UGGT2: variants seen among roughly 807,000 people sequenced by gnomAD.
UGGT2 encodes the protein UDP-glucose glycoprotein glucosyltransferase 2, also known as UDP-glucose:glycoprotein glucosyltransferase 2.
In UGGT2, 180 loss-of-function variants were observed where a neutral mutation model predicts 192.1. The observed-to-expected ratio is 0.94, with a 90% CI of 0.83 to 1.06. The LOEUF is 1.06. UGGT2 is among the 50% of genes least tolerant of loss of function. UGGT2 has a pLI of 0.00. For missense variants in UGGT2, 1,849 were observed against 1,795.7 expected, an observed-to-expected ratio of 1.03 and a Z score of -0.54; for synonymous variants, 580 against 591.0, an observed-to-expected ratio of 0.98 and a Z score of 0.27.
intron 36 of UGGT2, among the ~76,000 whole-genome samples, chr13:95,849,739 T>C (rs74675490): frequency 0.021 from 3,238 of 151,790 alleles, 75 homozygotes; most frequent in East Asian, 0.1. Context: ...CATAGGTAAA[T>C]TGAATGTCAT....
chr13:95,829,420 C>G (rs1052221138), intron 38 of UGGT2, among the ~76,000 whole-genome samples: 3 of 152,084 alleles, frequency 2.0e-5, no homozygotes, highest in African/African-American at 7.2e-5. Context: ...TTTAGAAAAC[C>G]CCATCGTCTC....
chr13:95,923,047 A>C (rs1297834411), intron 20 of UGGT2, among the ~76,000 whole-genome samples: 1 of 152,010 alleles, frequency 6.6e-6, no homozygotes, highest in African/African-American at 2.4e-5. Context: ...TATATTCAGT[A>C]CGTTCTTTTC....
intron 36 of UGGT2, among the ~76,000 whole-genome samples, chr13:95,841,904 G>T (rs910638168): frequency 2.6e-5 from 4 of 152,192 alleles, no homozygotes; most frequent in African/African-American, 7.2e-5. Context: ...CTTTACAAGT[G>T]AATTTCCTGT....
rs200610064 is a variant in UGGT2, at chr13:95,884,673, G to A, written c.3046C>T (p.Arg1016Cys). 9.4e-6 allele frequency: 15 copies of A among 1,600,604 alleles called. No homozygotes were observed. Among genetic ancestry groups the A allele is most frequent in the African/African-American group, 4.0e-5 (3 of 74,270 alleles). ...LSEAPLESFYRFVLEPELMSG... is the reference protein window; with the variant it reads ...LSEAPLESFYCFVLEPELMSG... ...ATCAGTTCTGGTTCCAGAACAAAAC[G>A]GTAAAAGCTGTTAATAAAACATAAA... is the stretch of plus-strand genomic sequence containing the variant. The change falls in exon 27 of 39, where the codon CGT (arginine) becomes TGT (cysteine). Residue 1016 changes from arginine (R) to cysteine (C), a missense_variant. Arg to Cys is a radical substitution (Grantham distance 180). Transcript: ENST00000376747.
chr13:95,968,036 A>C (rs1025653250), intron 12 of UGGT2, among the ~76,000 whole-genome samples: 3 of 152,092 alleles, frequency 2.0e-5, no homozygotes, highest in African/African-American at 7.2e-5. Context: ...TTGTCACACA[A>C]CACTTTTATT....
intron 27 of UGGT2, among the ~76,000 whole-genome samples, chr13:95,879,107 C>A (rs2047421437): frequency 6.6e-6 from 1 of 152,092 alleles, no homozygotes. Flanking sequence ...TAGTTCAACA[C>A]CCTCACTTTA....
At chr13:95,878,007 TTG>T in intron 27 of UGGT2, 151 bp from the exon 28 acceptor site, 1 of 782,592 alleles carries the variant, frequency 1.3e-6, no homozygotes, top group Non-Finnish European at 1.9e-6. Flanking sequence ...AATTCATGAG[TTG>T]AACTGATTTC....
chr13:96,020,157 T>C (rs1253926997), intron 4 of UGGT2, among the ~76,000 whole-genome samples: 1 of 152,202 alleles, frequency 6.6e-6, no homozygotes, highest in African/African-American at 2.4e-5. Flanking sequence ...CCCTTTTACC[T>C]TGCGAGACAC....
intron 8 of UGGT2, among the ~76,000 whole-genome samples, chr13:95,987,596 T>C (rs998686830): frequency 6.6e-6 from 1 of 152,152 alleles, no homozygotes; most frequent in Non-Finnish European, 1.5e-5. Flanking sequence ...AAAGAGACTA[T>C]CTGAAATTAT....
chr13:96,029,432 C>T (rs549103266), intron 2 of UGGT2, among the ~76,000 whole-genome samples: 5 of 151,758 alleles, frequency 3.3e-5, no homozygotes, highest in East Asian at 3.9e-4. Context: ...ATTACAGGCC[C>T]GCACCACCAC....
chr13:95,882,187 C>T (rs1226909342), intron 27 of UGGT2, among the ~76,000 whole-genome samples: 1 of 152,158 alleles, frequency 6.6e-6, no homozygotes, highest in Non-Finnish European at 1.5e-5. Context: ...GGATTACAGG[C>T]GTGAGCCACC....
chr13:95,803,136 T>C (rs965773329), intron 38 of UGGT2, among the ~76,000 whole-genome samples: 1 of 152,072 alleles, frequency 6.6e-6, no homozygotes. Context: ...GCCCAGCCGA[T>C]AGCCTGGTAT....
chr13:95,962,859 T>C (rs1010850564), intron 12 of UGGT2, among the ~76,000 whole-genome samples: 2 of 152,022 alleles, frequency 1.3e-5, no homozygotes, highest in Non-Finnish European at 2.9e-5. Context: ...GGACTTACAG[T>C]TCCATATGAC....
chr13:95,958,491 G>C (rs1469316609), intron 12 of UGGT2, among the ~76,000 whole-genome samples: 1 of 151,952 alleles, frequency 6.6e-6, no homozygotes, highest in Admixed American at 6.6e-5. Context: ...TTTCAAGTAA[G>C]GCAAAACTAA....
chr13:95,842,602 C>A (rs1305664500), intron 36 of UGGT2, among the ~76,000 whole-genome samples: 4 of 152,104 alleles, frequency 2.6e-5, no homozygotes, highest in African/African-American at 9.7e-5. Flanking sequence ...TTCTAACAAA[C>A]AGAATATGGC....
intron 36 of UGGT2, among the ~76,000 whole-genome samples, chr13:95,838,257 C>A (rs1232222193): frequency 3.9e-5 from 6 of 152,036 alleles, no homozygotes; most frequent in Non-Finnish European, 5.9e-5. Context: ...AAATATGTTC[C>A]TCAACAAAAT....
chr13:95,927,466 C>CTTTTTTTTTTTT (rs1566709199), intron 17 of UGGT2, 130 bp from the exon 18 acceptor site: 1 of 569,652 alleles, frequency 1.8e-6, no homozygotes. Context: ...AATACATTTT[C>CTTTTTTTTTTTT]TTTCTTTTTT....
At chr13:95,812,310 A>G (rs1451375189) in intron 38 of UGGT2, among the ~76,000 whole-genome samples, 1 of 152,220 alleles carries the variant, frequency 6.6e-6, no homozygotes, top group Non-Finnish European at 1.5e-5. Flanking sequence ...GCTGTATAAA[A>G]GCAGATTTAC....
intron 17 of UGGT2, among the ~76,000 whole-genome samples, chr13:95,928,417 AGGGGCTCCTCACTTCCCAGATGGGGCG>A (rs2049116116): frequency 6.6e-6 from 1 of 151,024 alleles, no homozygotes. Context: ...TGCCGGGCGG[AGGGGCTCCTCACTTCCCAGATGGGGCG>A]GCTGCTGGGC....
Sources: allele counts gnomAD v4.1 joint callset (sites outside exome capture counted in the v4.1 genomes callset), GRCh38; gene constraint gnomAD v4.1.1; transcripts MANE v1.5; gene names NCBI Gene and HGNC (gene_info 2026-07-23, HGNC 2026-07-21).